The following ZFYVE9 variants were observed in gnomAD, a reference collection of about 807,000 sequenced individuals.
ZFYVE9 encodes the protein zinc finger FYVE domain-containing protein 9.
A neutral mutation model predicts 126.7 loss-of-function variants in ZFYVE9; 43 were observed. The ratio of observed to expected loss-of-function variants is 0.34; its 90% confidence interval spans 0.27 to 0.44. The LOEUF (loss-of-function observed/expected upper bound fraction) is 0.44, where lower values mean the gene tolerates loss of function less well. Among genes scored for constraint, ZFYVE9 ranks in the 20% least tolerant of loss-of-function variants. ZFYVE9 has a pLI of 1.00. For synonymous variants in ZFYVE9, 521 were observed against 597.4 expected (o/e 0.87, Z 1.87); for missense variants, 1,476 against 1,697.0 (o/e 0.87, Z 2.29).
At chr1:52,212,627 G>C (rs1645038023) in intron 1 of ZFYVE9, among the ~76,000 whole-genome samples, 2 of 152,154 alleles carry the variant, frequency 1.3e-5, no homozygotes, top group Admixed American at 1.3e-4. Context: ...AACTTCTTTG[G>C]AATCTTTGCC....
At chr1:52,247,828 A>G (rs551189501) in intron 4 of ZFYVE9, among the ~76,000 whole-genome samples, 2 of 151,968 alleles carry the variant, frequency 1.3e-5, no homozygotes, top group East Asian at 1.9e-4. Context: ...ATAACTTCCC[A>G]TCTTTCCTTG....
At chr1:52,165,003 G>A (rs1305266751) in intron 1 of ZFYVE9, among the ~76,000 whole-genome samples, 1 of 152,090 alleles carries the variant, frequency 6.6e-6, no homozygotes, top group African/African-American at 2.4e-5. Flanking sequence ...TTCTGAAGAT[G>A]GTTGGAGGTA....
chr1:52,274,655 GAC>G, intron 8 of ZFYVE9, 71 bp downstream of exon 8: 9 of 1,439,374 alleles, frequency 6.3e-6, no homozygotes, highest in Non-Finnish European at 8.4e-6. Context: ...AAGGTAGAGA[GAC>G]AGAATTTGAG....
chr1:52,147,619 A>G (rs1644316985), intron 1 of ZFYVE9, among the ~76,000 whole-genome samples: 1 of 152,228 alleles, frequency 6.6e-6, no homozygotes, highest in Non-Finnish European at 1.5e-5. Context: ...CATTTTATTC[A>G]TCAGTTAGGG....
chr1:52,252,111 T>G (rs1239472663), intron 4 of ZFYVE9: 1 of 164,042 alleles, frequency 6.1e-6, no homozygotes, highest in African/African-American at 2.4e-5. Context: ...TTATTTTTGG[T>G]TATGATAGCA....
At chr1:52,341,084 G>A (rs1021205487) in intron 17 of ZFYVE9, among the ~76,000 whole-genome samples, 7 of 152,188 alleles carry the variant, frequency 4.6e-5, no homozygotes, top group Non-Finnish European at 8.8e-5. Flanking sequence ...GCCGGGCATG[G>A]TGGTGCATGC....
rs1217457955 is a variant in ZFYVE9, at chr1:52,266,732, A to G, written c.2356A>G (p.Ile786Val). The change falls in exon 6 of 19, where the codon ATC becomes GTC. Residue 786 changes from isoleucine (I) to valine (V), a missense_variant. This residue lies in a region of ZFYVE9 where 669 missense variants were observed against 902.4 expected (regional missense o/e 0.74). Transcript: ENST00000287727. ...CAATCCTGCTGAATACTGTTCTACT[A>G]TCCCTCCCTTGCAGCAAGCTCAGGC... ...PNNPAEYCST[I>V]PPLQQAQASG... 1.9e-6 allele frequency: 3 copies of G among 1,612,338 alleles called. No individual in the cohort carries two copies. The highest frequency in any genetic ancestry group is 1.7e-4 in the Middle Eastern group (1 of 6,060).
intron 13 of ZFYVE9, among the ~76,000 whole-genome samples, chr1:52,305,964 A>C (rs1371913976): frequency 6.6e-6 from 1 of 152,194 alleles, no homozygotes; most frequent in African/African-American, 2.4e-5. Flanking sequence ...GGATGTGTGC[A>C]GCTCAATGCT....
At chr1:52,253,692 A>C in intron 4 of ZFYVE9, 1 of 1,602,986 alleles carries the variant, frequency 6.2e-7, no homozygotes, top group Non-Finnish European at 8.5e-7. Context: ...CAGTACGGGA[A>C]ATTGGGTCAC....
chr1:52,340,151 T>A lies in ZFYVE9; in HGVS notation c.3859T>A (p.Ser1287Thr). The change falls in exon 17 of 19, where the codon TCC becomes ACC. Residue 1287 changes from serine to threonine, a missense_variant. By Grantham distance (58) the Ser-to-Thr change is moderately conservative. Transcript: ENST00000287727. ...KGVVSPIDGK[S>T]METITNVKIF... ...TGTCGTAAGTCCTATAGATGGGAAGTCCATGGAGACTATAACAAATGTGAA... is the reference window on the plus strand; with the variant it reads ...TGTCGTAAGTCCTATAGATGGGAAGACCATGGAGACTATAACAAATGTGAA... 1 of 1,613,774 alleles carries A rather than the reference T, an allele frequency of 6.2e-7. No individual in the cohort carries two copies. The highest frequency in any genetic ancestry group is 8.5e-7 in the Non-Finnish European group (1 of 1,179,708).
chr1:52,181,254 C>T (rs1314795156), intron 1 of ZFYVE9, among the ~76,000 whole-genome samples: 4 of 152,198 alleles, frequency 2.6e-5, no homozygotes, highest in African/African-American at 7.2e-5. Context: ...GACTGGTTTT[C>T]GTATTTTTTT....
chr1:52,255,820 A>G (rs184771384), intron 4 of ZFYVE9, among the ~76,000 whole-genome samples: 14 of 152,056 alleles, frequency 9.2e-5, no homozygotes, highest in Non-Finnish European at 1.9e-4. Context: ...GCATCACTGC[A>G]CTCTAGTCTG....
chr1:52,172,510 T>G (rs1352864642), intron 1 of ZFYVE9, among the ~76,000 whole-genome samples: 1 of 152,212 alleles, frequency 6.6e-6, no homozygotes, highest in East Asian at 1.9e-4. Flanking sequence ...TTATGAACTT[T>G]AAAGTAGTTT....
intron 1 of ZFYVE9, among the ~76,000 whole-genome samples, chr1:52,167,609 C>T (rs1373968600): frequency 6.6e-6 from 1 of 152,124 alleles, no homozygotes; most frequent in Admixed American, 6.5e-5. Context: ...CAAATCTTGC[C>T]ACACTTTGGT....
At chr1:52,153,848 A>T (rs1644378138) in intron 1 of ZFYVE9, among the ~76,000 whole-genome samples, 1 of 152,222 alleles carries the variant, frequency 6.6e-6, no homozygotes, top group Non-Finnish European at 1.5e-5. Context: ...GATGGCGAGT[A>T]GGGGCTATTT....
intron 13 of ZFYVE9, among the ~76,000 whole-genome samples, chr1:52,310,138 A>G (rs1646124534): frequency 6.6e-6 from 1 of 151,826 alleles, no homozygotes; most frequent in Admixed American, 6.6e-5. Context: ...TGTCCGGCCA[A>G]ATTTTCTGTT....
chr1:52,176,383 G>T (rs1431955949), intron 1 of ZFYVE9, among the ~76,000 whole-genome samples: 3 of 152,206 alleles, frequency 2.0e-5, no homozygotes, highest in Non-Finnish European at 2.9e-5. Context: ...GTACCCGGCC[G>T]TGTGAGGTGT....
In ZFYVE9 at chr1:52,321,218, G is replaced by T. The variant is rs921077887; in HGVS notation, c.3439-11550G>T. Among the ~76,000 whole-genome samples the T allele has an allele frequency of 2.6e-5, 4 of 152,334 alleles. No homozygotes were observed. In the East Asian group the frequency reaches 7.7e-4, roughly 29 times the overall value. ...TTTGAAACTACACATATTCTTCAGAGAAGTGTGAAATTACAAAAGCATAAT... is the reference window on the plus strand; with the variant it reads ...TTTGAAACTACACATATTCTTCAGATAAGTGTGAAATTACAAAAGCATAAT... On this transcript the variant is annotated intron_variant, in intron 13 of 18. Coordinates refer to ENST00000287727, the MANE Select transcript of ZFYVE9 (RefSeq NM_004799.4).
chr1:52,277,377 T>C (rs2147812450), intron 8 of ZFYVE9, among the ~76,000 whole-genome samples: 1 of 152,282 alleles, frequency 6.6e-6, no homozygotes, highest in Admixed American at 6.5e-5. Flanking sequence ...TAAAAAGTTA[T>C]GTCCGTTAAA....
Sources: allele counts gnomAD v4.1 joint callset (sites outside exome capture counted in the v4.1 genomes callset), GRCh38; gene constraint gnomAD v4.1.1; regional missense constraint gnomAD v4.1.1; transcripts MANE v1.5; gene names NCBI Gene and HGNC (gene_info 2026-07-23, HGNC 2026-07-21).